Variants in INTS10 observed in about 807,000 individuals in gnomAD.
INTS10 encodes integrator complex subunit 10.
INTS10 carries 44 observed loss-of-function variants against 94.4 expected under a neutral mutation model. The ratio of observed to expected loss-of-function variants is 0.47; its 90% CI spans 0.37 to 0.60. The LOEUF (loss-of-function observed/expected upper bound fraction) is 0.60. Among genes scored for constraint, INTS10 ranks in the 20% least tolerant of loss-of-function variants. The pLI is 0.00. For missense variants in INTS10, 797 were observed against 868.7 expected, an observed-to-expected ratio of 0.92 and a Z score of 1.04; for synonymous variants, 341 against 320.7, an observed-to-expected ratio of 1.06 and a Z score of -0.68.
chr8:19,826,599 A>G (rs1453822308), intron 9 of INTS10, 40 bp downstream of exon 9: 4 of 1,573,972 alleles, frequency 2.5e-6, no homozygotes, highest in Middle Eastern at 1.7e-4. Context: ...ATTGGATGGG[A>G]CGCTTTGCTA....
chr8:19,835,976 C>G lies in INTS10; in HGVS notation c.1531-1076C>G, dbSNP rs1336451156. ...CACATGGACACAGGCAGGGGAACAT[C>G]ACACACTGGGGCCTGTCAGGGGGTC... On this transcript the variant is annotated intron_variant, in intron 12 of 16. Transcript: ENST00000397977. 2.0e-5 allele frequency among the ~76,000 whole-genome samples: 3 copies of G among 152,040 alleles called. No homozygotes were observed. The East Asian group carries it at 5.8e-4, about 29-fold the overall frequency.
chr8:19,817,785 GCTTTCTCCCCTCCCACCCCCTC>G, intron 1 of INTS10, 119 bp downstream of exon 1: 6 of 1,306,240 alleles, frequency 4.6e-6, no homozygotes, highest in Non-Finnish European at 6.2e-6. Flanking sequence ...CCGGCCCCCT[GCTTTCTCCCCTCCCACCCCCTC>G]CTCTCTCCCC....
At chr8:19,830,607 C>T (rs1240984115) in intron 10 of INTS10, 48 bp downstream of exon 10, 7 of 1,507,976 alleles carry the variant, frequency 4.6e-6, no homozygotes, top group South Asian at 1.2e-5. Context: ...TATATAAAAT[C>T]ATTACGCTAC....
chr8:19,827,629 A>T (rs1318639873), intron 9 of INTS10, among the ~76,000 whole-genome samples: 1 of 152,086 alleles, frequency 6.6e-6, no homozygotes, highest in Non-Finnish European at 1.5e-5. Context: ...TGTCCAGGCT[A>T]TGGGATGGCT....
chr8:19,847,490 A>G (rs1409099854), intron 16 of INTS10, among the ~76,000 whole-genome samples: 1 of 152,236 alleles, frequency 6.6e-6, no homozygotes, highest in Non-Finnish European at 1.5e-5. Flanking sequence ...ATATACAAAT[A>G]CACCCTGAAT....
chr8:19,842,968 CA>C (rs746328740), intron 14 of INTS10, 41 bp downstream of exon 14: 1 of 1,305,574 alleles, frequency 7.7e-7, no homozygotes, highest in South Asian at 1.2e-5. Flanking sequence ...AATGTAATTT[CA>C]AATATTATTC....
intron 9 of INTS10, among the ~76,000 whole-genome samples, chr8:19,828,602 GT>G (rs2066984940): frequency 6.6e-6 from 1 of 152,124 alleles, no homozygotes; most frequent in Non-Finnish European, 1.5e-5. Context: ...AGGCAGGAAT[GT>G]TTTCTGTAAG....
intron 4 of INTS10, 31 bp from the exon 5 acceptor site, chr8:19,822,408 C>G: frequency 1.5e-6 from 2 of 1,341,162 alleles, no homozygotes; most frequent in Non-Finnish European, 2.1e-6. Context: ...TGCTGTAACA[C>G]ATTTAAATGA....
chr8:19,818,262 ATG>A lies in INTS10; in HGVS notation c.130-7_130-6del. 6.2e-7 allele frequency: 1 copy of A among 1,613,254 alleles called. No homozygotes were observed. On this transcript the variant is annotated splice_polypyrimidine_tract_variant and intron_variant, in intron 1 of 16. Transcript: ENST00000397977. The stretch of plus-strand genomic sequence containing the variant: ...CAGGGGTGAGTGACCAGGGTGCCTG[ATG>A]TGTGTTGCAGTATGAGATGTACACC...
intron 10 of INTS10, 110 bp from the exon 11 acceptor site, chr8:19,831,918 C>T: frequency 1.4e-6 from 1 of 701,578 alleles, no homozygotes; most frequent in South Asian, 1.6e-5. Context: ...GTCAAAGTTA[C>T]TATACATTTT....
intron 6 of INTS10, 109 bp from the exon 7 acceptor site, chr8:19,823,763 GA>G: frequency 6.0e-6 from 6 of 994,320 alleles, no homozygotes; most frequent in South Asian, 1.7e-5. Context: ...AAGTATGTTG[GA>G]ATTCTGTGCT....
chr8:19,829,759 C>G (rs1289446733), intron 9 of INTS10, among the ~76,000 whole-genome samples: 2 of 152,180 alleles, frequency 1.3e-5, no homozygotes, highest in Non-Finnish European at 2.9e-5. Context: ...ACCTCTGCCT[C>G]CCGGGCTTAA....
Position 19,849,420 on chromosome 8 carries a change from A to G in INTS10, c.1977-2229A>G, listed in dbSNP as rs2068841383. On this transcript the variant is annotated intron_variant, in intron 16 of 16. Coordinates refer to ENST00000397977, the MANE Select transcript of INTS10 (RefSeq NM_018142.4). The surrounding 1 kb of genome is among the most constrained non-coding windows in gnomAD (Gnocchi z 4.6). ...GTAACATTTCTTATTTTTTTTCCAT[A>G]AGTTGCCAGTGTGTTTGTGTTCGAT... 6.6e-6 allele frequency among the ~76,000 whole-genome samples: 1 copy of G among 152,106 alleles called. No homozygotes were observed. Among genetic ancestry groups the G allele is most frequent in the South Asian group, 2.1e-4 (1 of 4,818 alleles).
chr8:19,833,094 C>G lies in INTS10; in HGVS notation c.1378-75C>G, dbSNP rs551748925. ...GTTGCTTGCTCGTTGCTTCGTGAAC[C>G]CTGGAACGGTATTTTTTAAATTTCT... On this transcript the variant is annotated intron_variant, in intron 11 of 16. Coordinates refer to ENST00000397977, the MANE Select transcript of INTS10 (RefSeq NM_018142.4). 8.9e-4 allele frequency: 1,199 copies of G among 1,343,910 alleles called. 11 individuals are homozygous for G. The South Asian group carries it at 0.013, about 14-fold the overall frequency. 83.2% of individuals were successfully genotyped at this position (1,343,910 alleles called of 1,614,324 possible).
At chr8:19,832,586 A>G (rs989061735) in intron 11 of INTS10, among the ~76,000 whole-genome samples, 6 of 152,124 alleles carry the variant, frequency 3.9e-5, no homozygotes, top group African/African-American at 1.4e-4. Context: ...AACGAAACAA[A>G]AACTCCAAAA....
rs779194776 is a variant in INTS10 at position 19,823,997 on chromosome 8, G to T, written c.789G>T (p.Leu263Phe). 6.8e-6 allele frequency: 11 copies of T among 1,613,364 alleles called. No individual in the cohort carries two copies. Among genetic ancestry groups the T allele is most frequent in the Admixed American group, 6.7e-5 (4 of 59,840 alleles). The change falls in exon 7 of 17, where the codon TTG (leucine) becomes TTT (phenylalanine). Residue 263 changes from leucine to phenylalanine, a missense_variant. Around this residue, in one of 3 missense-constraint regions of INTS10, gnomAD observed 734 missense variants for 787.8 expected, o/e 0.93. Transcript: ENST00000397977. Reference sequence around the variant, plus strand: ...CTTGGGAGAGGTTGTTTAAGATTTTGAATGTTGTTGGAATGAGATGTGAAT... The same window carrying T: ...CTTGGGAGAGGTTGTTTAAGATTTTTAATGTTGTTGGAATGAGATGTGAAT... ...VDPWERLFKI[L>F]NVVGMRCEWQ...
At chr8:19,828,063 A>G in intron 9 of INTS10, among the ~76,000 whole-genome samples, 1 of 151,840 alleles carries the variant, frequency 6.6e-6, no homozygotes, top group Non-Finnish European at 1.5e-5. Context: ...GAAAAAAAAA[A>G]CTAGCTGGCT....
At position 19,837,475 on chromosome 8, in the gene INTS10, T is replaced by C. The variant is rs547796152; in HGVS notation, c.1639+315T>C. ...AAGTTTTTCCTTGGCTCTGATTTCA[T>C]GAGCAGCTGTAAATGTCTTTCTTCC... On this transcript the variant is annotated intron_variant, in intron 13 of 16. Transcript: ENST00000397977. 3.6e-4 allele frequency: 80 copies of C among 219,288 alleles called. 1 individual carries two copies. In the Middle Eastern group the frequency reaches 0.01, roughly 28 times the overall value. 13.6% of individuals were successfully genotyped at this position (219,288 alleles called of 1,614,324 possible). A position where few individuals can be genotyped will look rare whatever the true frequency, so the allele number is the denominator to read the frequency against.
In INTS10 at chr8:19,820,368, G is replaced by A. The variant is rs568862114; in HGVS notation, c.302-11G>A. 4 of 1,600,980 alleles carry A rather than the reference G, an allele frequency of 2.5e-6. No homozygotes were observed. The highest frequency in any genetic ancestry group is 3.4e-6 in the Non-Finnish European group (4 of 1,172,650). ...CAAGAAACTTTTAAAAGTGAAATAT[G>A]TTTCGTACAGGTTTATTTGAAACTC... On this transcript the variant is annotated splice_polypyrimidine_tract_variant and intron_variant, in intron 3 of 16. Coordinates refer to ENST00000397977, the MANE Select transcript of INTS10 (RefSeq NM_018142.4).
Sources: gnomAD v4.1 joint callset for allele counts (sites outside exome capture counted in the v4.1 genomes callset) on GRCh38, gnomAD v4.1.1 for gene constraint, gnomAD v4.1.1 regional missense constraint, Gnocchi (gnomAD v3.1) non-coding constraint, MANE v1.5 for transcripts, NCBI Gene and HGNC (gene_info 2026-07-23, HGNC 2026-07-21) for gene names.